B3GALT1: variants seen among roughly 807,000 people sequenced by gnomAD.
The protein encoded by B3GALT1 is UDP-Gal:betaGlcNAc beta 1,3-galactosyltransferase, polypeptide 1.
Under a neutral mutation model 23.2 loss-of-function variants are expected in B3GALT1, and 10 were observed. That is an observed-to-expected ratio of 0.43 (90% CI 0.27 to 0.73). The LOEUF is 0.73. Among genes scored for constraint, B3GALT1 ranks in the 30% least tolerant of loss-of-function variants. The probability of loss-of-function intolerance (pLI) is 0.21; values close to 1 mark genes in which losing one functional copy is unlikely to be tolerated. For synonymous variants in B3GALT1, 156 were observed against 141.5 expected, an observed-to-expected ratio of 1.10 and a Z score of -0.73; for missense variants, 299 against 405.4, an observed-to-expected ratio of 0.74 and a Z score of 2.25.
At chr2:167,512,596 ATATATATATATG>A (rs766172004) in intron 2 of B3GALT1, among the ~76,000 whole-genome samples, 1 of 75,334 alleles carries the variant, frequency 1.3e-5, no homozygotes, top group African/African-American at 8.3e-5. Context: ...ATATATGTGT[ATATATATATATG>A]TATATATATA....
At chr2:167,330,988 A>G (rs944987903) in intron 1 of B3GALT1, among the ~76,000 whole-genome samples, 1 of 151,868 alleles carries the variant, frequency 6.6e-6, no homozygotes, top group Non-Finnish European at 1.5e-5. Context: ...ATTTACTTTC[A>G]TATGGACGGA....
chr2:167,806,932 A>C (rs1034019429), intron 3 of B3GALT1, among the ~76,000 whole-genome samples: 13 of 152,190 alleles, frequency 8.5e-5, no homozygotes, highest in African/African-American at 2.9e-4. Context: ...TCGGCTGTGA[A>C]TCAGTCTGGT....
chr2:167,365,437 C>T (rs920759660), intron 1 of B3GALT1, among the ~76,000 whole-genome samples: 1 of 152,082 alleles, frequency 6.6e-6, no homozygotes, highest in Non-Finnish European at 1.5e-5. Flanking sequence ...GAAATTGGCT[C>T]TAGCATATCT....
intron 3 of B3GALT1, among the ~76,000 whole-genome samples, chr2:167,669,361 T>G (rs115058426): frequency 7.5e-4 from 114 of 152,340 alleles, no homozygotes; most frequent in African/African-American, 2.5e-3. Flanking sequence ...TCTTGAAGTT[T>G]CAAGATATCT....
intron 1 of B3GALT1, among the ~76,000 whole-genome samples, chr2:167,475,077 GC>G (rs1460245129): frequency 6.6e-6 from 1 of 152,086 alleles, no homozygotes; most frequent in Non-Finnish European, 1.5e-5. Context: ...TAGCAATTTT[GC>G]TTTCTGCAAT....
At chr2:167,500,585 T>C (rs960529374) in intron 2 of B3GALT1, among the ~76,000 whole-genome samples, 1 of 151,702 alleles carries the variant, frequency 6.6e-6, no homozygotes, top group Admixed American at 6.6e-5. Context: ...CGCAGATAGA[T>C]AAGAGGCTCT....
At chr2:167,697,397 T>C (rs1273645335) in intron 3 of B3GALT1, among the ~76,000 whole-genome samples, 1 of 152,200 alleles carries the variant, frequency 6.6e-6, no homozygotes, top group African/African-American at 2.4e-5. Context: ...TGCATTCCAA[T>C]AAGATGGCTG....
chr2:167,710,828 C>G (rs1687035901), intron 3 of B3GALT1, among the ~76,000 whole-genome samples: 1 of 152,178 alleles, frequency 6.6e-6, no homozygotes, highest in African/African-American at 2.4e-5. Flanking sequence ...CCATCCTGGT[C>G]TAAGAGGCCA....
chr2:167,505,401 G>A (rs1004119241), intron 2 of B3GALT1, among the ~76,000 whole-genome samples: 1 of 152,168 alleles, frequency 6.6e-6, no homozygotes, highest in Non-Finnish European at 1.5e-5. Context: ...ATAGACTTGT[G>A]TGAAGCCTAT....
intron 3 of B3GALT1, among the ~76,000 whole-genome samples, chr2:167,782,500 T>G (rs1301825736): frequency 2.0e-5 from 3 of 152,192 alleles, no homozygotes; most frequent in Non-Finnish European, 2.9e-5. Context: ...TCTGGGTAAA[T>G]ATTTCACATT....
At chr2:167,799,057 G>T (rs1034229181) in intron 3 of B3GALT1, among the ~76,000 whole-genome samples, 1 of 152,108 alleles carries the variant, frequency 6.6e-6, no homozygotes, top group Non-Finnish European at 1.5e-5. Flanking sequence ...AATGTTTCGA[G>T]GTGCTTTCCA....
At chr2:167,836,544 C>T (rs1243815720) in intron 4 of B3GALT1, among the ~76,000 whole-genome samples, 3 of 152,246 alleles carry the variant, frequency 2.0e-5, no homozygotes, top group East Asian at 1.9e-4. Context: ...ACCAAATCTA[C>T]GTCTGATTGG....
chr2:167,563,372 C>A, intron 2 of B3GALT1, among the ~76,000 whole-genome samples: 1 of 140,676 alleles, frequency 7.1e-6, no homozygotes, highest in Non-Finnish European at 1.5e-5. Flanking sequence ...TCCCCCACCT[C>A]CCTCCCTCCC....
chr2:167,478,228 C>CA (rs1349816594), intron 1 of B3GALT1, among the ~76,000 whole-genome samples: 2 of 152,222 alleles, frequency 1.3e-5, no homozygotes, highest in African/African-American at 4.8e-5. Flanking sequence ...CTTCAACCTT[C>CA]ATTCACTGAT....
chr2:167,337,026 C>T (rs531574430), intron 1 of B3GALT1, among the ~76,000 whole-genome samples: 96 of 152,252 alleles, frequency 6.3e-4, no homozygotes, highest in African/African-American at 2.2e-3. Flanking sequence ...TCCTTACCTA[C>T]CCTGCCCCTC....
intron 2 of B3GALT1, among the ~76,000 whole-genome samples, chr2:167,510,537 G>T (rs1402080142): frequency 6.6e-6 from 1 of 151,742 alleles, no homozygotes; most frequent in Non-Finnish European, 1.5e-5. Flanking sequence ...ATTGTGATTG[G>T]CATGTTTACA....
rs1300013251 is a variant in B3GALT1 at position 167,726,102 on chromosome 2, C to T, written c.-352+79136C>T. On this transcript the variant is annotated intron_variant, in intron 3 of 4. Coordinates refer to ENST00000392690, the MANE Select transcript of B3GALT1 (RefSeq NM_020981.4). ...AAGTCTGAGTTGTCTCCTTTACAGGCAGGAAGAAATGGCTTCCCTTGGAGC... is the reference window on the plus strand; with the variant it reads ...AAGTCTGAGTTGTCTCCTTTACAGGTAGGAAGAAATGGCTTCCCTTGGAGC... 2.6e-5 allele frequency among the ~76,000 whole-genome samples: 4 copies of T among 152,260 alleles called. No individual in the cohort carries two copies. In the East Asian group the frequency reaches 7.7e-4, roughly 29 times the overall value.
At chr2:167,326,933 T>C (rs1170899708) in intron 1 of B3GALT1, among the ~76,000 whole-genome samples, 1 of 151,946 alleles carries the variant, frequency 6.6e-6, no homozygotes, top group African/African-American at 2.4e-5. Flanking sequence ...CAGGTGATCC[T>C]CCTGCCTCAG....
chr2:167,838,404 C>T (rs13411960), intron 4 of B3GALT1, among the ~76,000 whole-genome samples: 1,989 of 151,064 alleles, frequency 0.013, 15 homozygotes, highest in African/African-American at 0.044. Context: ...AACACCTCTA[C>T]GGAAATAAAC....
Sources: allele counts gnomAD v4.1 joint callset (sites outside exome capture counted in the v4.1 genomes callset), GRCh38; gene constraint gnomAD v4.1.1; transcripts MANE v1.5; gene names NCBI Gene and HGNC (gene_info 2026-07-23, HGNC 2026-07-21).